The following STYXL2 variants were observed in gnomAD, a reference collection of about 807,000 sequenced individuals.
STYXL2 encodes the protein serine/threonine/tyrosine interacting like 2.
A neutral mutation model predicts 52.4 loss-of-function variants in STYXL2; 44 were observed. The observed-to-expected ratio is 0.84, with a 90% CI of 0.66 to 1.08. The LOEUF (loss-of-function observed/expected upper bound fraction) is 1.08. Ranked by LOEUF, STYXL2 falls within the 50% of genes least tolerant of loss-of-function variation. STYXL2 has a pLI of 0.00. For missense variants in STYXL2, 1,604 were observed against 1,471.7 expected, an observed-to-expected ratio of 1.09 and a Z score of -1.47; for synonymous variants, 604 against 586.9, an observed-to-expected ratio of 1.03 and a Z score of -0.42.
chr1:167,108,806 G>C lies in STYXL2; in HGVS notation c.111-4904G>C, dbSNP rs948355449. On this transcript the variant is annotated intron_variant, in intron 2 of 5. Transcript: ENST00000361200. ...ACAGACCCTTTCAAAGAAGCAGCTT[G>C]CTTCTGCAAACATCATGAGATAGCC... is the stretch of plus-strand genomic sequence containing the variant. Among the ~76,000 whole-genome samples the C allele has an allele frequency of 2.6e-5, 4 of 152,306 alleles. No individual in the cohort carries two copies. In the East Asian group the frequency reaches 7.7e-4, roughly 29 times the overall value.
At chr1:167,115,866 G>A (rs1391054342) in intron 3 of STYXL2, among the ~76,000 whole-genome samples, 5 of 152,184 alleles carry the variant, frequency 3.3e-5, no homozygotes, top group Non-Finnish European at 7.4e-5. Context: ...GGGGTTAGAG[G>A]AGGGAAGAGA....
rs1428021125 is a variant in STYXL2 at position 167,126,505 on chromosome 1, C to A, written c.1374C>A (p.Asn458Lys). The change falls in exon 6 of 6, where the codon AAC becomes AAA. Residue 458 changes from asparagine (N) to lysine (K), a missense_variant. Transcript: ENST00000361200. ...IWVLKQQLEL[N>K]RPDHGRRRRA... ...TCCTGAAGCAGCAGCTGGAGCTGAA[C>A]CGCCCGGACCACGGCAGGAGGCGCC... 4 of 1,611,308 alleles carry A rather than the reference C, an allele frequency of 2.5e-6. No individual in the cohort carries two copies. In the East Asian group the frequency reaches 6.7e-5, roughly 27 times the overall value.
In STYXL2 at chr1:167,121,394, G is replaced by A. The variant is rs190134419; in HGVS notation, c.655+1928G>A. Among the ~76,000 whole-genome samples the A allele has an allele frequency of 1.9e-3, 290 of 152,356 alleles. 2 individuals carry two copies. The highest frequency in any genetic ancestry group is 0.015 in the Admixed American group (229 of 15,312). On this transcript the variant is annotated intron_variant, in intron 5 of 5. Coordinates refer to ENST00000361200, the MANE Select transcript of STYXL2 (RefSeq NM_001080426.3). ...GTCGGTCGCCTGCGGCGTAAGGAGT[G>A]TGTCCCACCTCGCTCGCAGGTCCTG...
chr1:167,119,260 TGAA>T lies in STYXL2; in HGVS notation c.450_452del (p.Asn151del). ...GCCTCTTCCCGCAGGAGTGTGGCTG[TGAA>T]CAAGGGGAGGCTGAAGAGGCTGGGA... On this transcript the variant is annotated inframe_deletion, in exon 5 of 6. Transcript: ENST00000361200. 1 of 1,614,156 alleles carries T rather than the reference TGAA, an allele frequency of 6.2e-7. No homozygotes were observed. The highest frequency in any genetic ancestry group is 8.5e-7 in the Non-Finnish European group (1 of 1,180,028).
intron 2 of STYXL2, among the ~76,000 whole-genome samples, chr1:167,098,322 A>G (rs1322032686): frequency 6.6e-6 from 1 of 151,986 alleles, no homozygotes; most frequent in Non-Finnish European, 1.5e-5. Context: ...ACTTTTTTTA[A>G]GAAATTAGCC....
At chr1:167,099,489 A>G (rs1667358934) in intron 2 of STYXL2, among the ~76,000 whole-genome samples, 1 of 152,254 alleles carries the variant, frequency 6.6e-6, no homozygotes, top group African/African-American at 2.4e-5. Flanking sequence ...GAAATAATAC[A>G]GAACATGTTA....
At chr1:167,098,908 C>A (rs576220764) in intron 2 of STYXL2, among the ~76,000 whole-genome samples, 1 of 152,270 alleles carries the variant, frequency 6.6e-6, no homozygotes, top group East Asian at 1.9e-4. Flanking sequence ...AGTTACATAG[C>A]ACCACTTCTG....
intron 4 of STYXL2, among the ~76,000 whole-genome samples, chr1:167,118,595 C>A (rs568550321): frequency 4.6e-5 from 7 of 152,318 alleles, no homozygotes; most frequent in South Asian, 2.1e-4. Flanking sequence ...CAGCTAAAAG[C>A]TTTTGTTCCT....
chr1:167,096,732 A>C lies in STYXL2; in HGVS notation c.110+1773A>C, dbSNP rs1296413422. On this transcript the variant is annotated intron_variant, in intron 2 of 5. Coordinates refer to ENST00000361200, the MANE Select transcript of STYXL2 (RefSeq NM_001080426.3). ...ATGGGAAATAAGGCCCATGAGCCCA[A>C]GAAAAAGAGGAAATCAGTGTGTCGA... 3.3e-5 allele frequency among the ~76,000 whole-genome samples: 5 copies of C among 152,236 alleles called. No individual in the cohort carries two copies. The East Asian group carries it at 9.6e-4, about 29-fold the overall frequency.
chr1:167,126,268 G>T lies in STYXL2; in HGVS notation c.1137G>T (p.Gln379His), dbSNP rs1463292358. ...GGGWRSASSG[Q>H]GGEELEDEDV... is the part of the protein sequence containing the mutation. The stretch of plus-strand genomic sequence containing the variant: ...GCTGGCGCTCAGCCTCCTCTGGCCA[G>T]GGTGGGGAGGAGCTCGAGGACGAGG... Residue 379 changes from glutamine to histidine, a missense_variant, in exon 6 of 6, where the codon CAG becomes CAT. Gln to His is a conservative substitution (Grantham distance 24). Coordinates refer to ENST00000361200, the MANE Select transcript of STYXL2 (RefSeq NM_001080426.3). The T allele has an allele frequency of 6.5e-7, 1 of 1,543,100 alleles. No homozygotes were observed. The highest frequency in any genetic ancestry group is 1.3e-5 in the South Asian group (1 of 79,482).
Position 167,094,880 on chromosome 1 carries a change from C to CA in STYXL2, c.32dup (p.Val12GlyfsTer25). ...GACCAGAAAGGACACAGAGGAGGAG[C>CA]AGGTAGTCCCAAGCGAGGAGGACGA... On this transcript the variant is annotated frameshift_variant, in exon 2 of 6. Coordinates refer to ENST00000361200, the MANE Select transcript of STYXL2 (RefSeq NM_001080426.3). LOFTEE classifies it high-confidence loss of function. 4 of 1,613,402 alleles carry CA rather than the reference C, an allele frequency of 2.5e-6. No homozygotes were observed. The highest frequency in any genetic ancestry group is 3.4e-6 in the Non-Finnish European group (4 of 1,179,818).
rs1571349351 is a variant in STYXL2, at chr1:167,126,588, A to G, written c.1457A>G (p.Glu486Gly). The stretch of plus-strand genomic sequence containing the variant: ...GACGCATGGAACGAGAGGCTGCTGG[A>G]GATTGAGAAGGAGGCTTCCCGGAGG... Reference protein sequence around the residue: ...TWDAWNERLLEIEKEASRRYH... With the variant: ...TWDAWNERLLGIEKEASRRYH... The change falls in exon 6 of 6, where the codon GAG (glutamate) becomes GGG (glycine). Residue 486 changes from glutamate to glycine, a missense_variant. Glu to Gly is a moderately conservative substitution (Grantham distance 98, BLOSUM62 -2). Transcript: ENST00000361200. 6.2e-7 allele frequency: 1 copy of G among 1,613,982 alleles called. No individual in the cohort carries two copies. The highest frequency in any genetic ancestry group is 8.5e-7 in the Non-Finnish European group (1 of 1,180,008).
At position 167,120,896 on chromosome 1, in the gene STYXL2, AGAGAGGTATGTAT is replaced by A. The variant is rs1414202982; in HGVS notation, c.655+1432_655+1444del. Among the ~76,000 whole-genome samples, 68 of 113,366 alleles carry A rather than the reference AGAGAGGTATGTAT, an allele frequency of 6.0e-4. 4 individuals carry two copies. Among genetic ancestry groups the A allele is most frequent in the Middle Eastern group, 0.011 (2 of 190 alleles). 74.4% of individuals were successfully genotyped at this position (113,366 alleles called of 152,430 possible). A position where few individuals can be genotyped will look rare whatever the true frequency, so the allele number is the denominator to read the frequency against. ...TATATATATATATATACAGAGAGAGAGAGAGGTATGTATGTGTATATATACAGACATGTATACA... is the reference window on the plus strand; with the variant it reads ...TATATATATATATATACAGAGAGAGAGTGTATATATACAGACATGTATACA... On this transcript the variant is annotated intron_variant, in intron 5 of 5. Coordinates refer to ENST00000361200, the MANE Select transcript of STYXL2 (RefSeq NM_001080426.3).
At position 167,120,894 on chromosome 1, in the gene STYXL2, AGAGAGAGGTATGTAT is replaced by A. The variant is rs1452754895; in HGVS notation, c.655+1430_655+1444del. 5.5e-4 allele frequency among the ~76,000 whole-genome samples: 62 copies of A among 112,942 alleles called. 2 individuals carry two copies. The highest frequency in any genetic ancestry group is 1.1e-3 in the Non-Finnish European group (54 of 48,934). 74.1% of individuals were successfully genotyped at this position (112,942 alleles called of 152,430 possible). ...TATATATATATATATATACAGAGAG[AGAGAGAGGTATGTAT>A]GTGTATATATACAGACATGTATACA... On this transcript the variant is annotated intron_variant, in intron 5 of 5. Coordinates refer to ENST00000361200, the MANE Select transcript of STYXL2 (RefSeq NM_001080426.3).
intron 2 of STYXL2, among the ~76,000 whole-genome samples, chr1:167,110,777 C>A (rs1435624338): frequency 2.6e-5 from 4 of 152,168 alleles, no homozygotes; most frequent in Non-Finnish European, 5.9e-5. Flanking sequence ...CAATCCTGAC[C>A]ACAACAAAGA....
At chr1:167,118,027 A>G (rs1294298747) in intron 4 of STYXL2, among the ~76,000 whole-genome samples, 2 of 152,248 alleles carry the variant, frequency 1.3e-5, no homozygotes, top group East Asian at 3.8e-4. Context: ...CAACAGATGT[A>G]TGTGTATGTG....
chr1:167,122,617 C>CT (rs1202709984), intron 5 of STYXL2, among the ~76,000 whole-genome samples: 5 of 152,042 alleles, frequency 3.3e-5, no homozygotes, highest in Middle Eastern at 3.4e-3. Flanking sequence ...TCCAGGCTTG[C>CT]TCAAATCTGA....
chr1:167,129,165 G>A lies in STYXL2; in HGVS notation c.*557G>A, dbSNP rs1558029927. ...TATTCTGGTCATGTTTAACTTTTTG[G>A]ATATTAGAAGAAAACCACTTTAAAA... On this transcript the variant is annotated 3_prime_UTR_variant, in exon 6 of 6. Transcript: ENST00000361200. 2.6e-5 allele frequency: 4 copies of A among 152,296 alleles called. No individual in the cohort carries two copies. Among genetic ancestry groups the A allele is most frequent in the Admixed American group, 2.0e-4 (3 of 15,292 alleles). 9.4% of individuals were successfully genotyped at this position (152,296 alleles called of 1,614,324 possible). A position where few individuals can be genotyped will look rare whatever the true frequency, so the allele number is the denominator to read the frequency against.
rs777232430 is a variant in STYXL2 at position 167,128,075 on chromosome 1, A to G, written c.2944A>G (p.Lys982Glu). ...TAAATCCTCCAGTTACAAGTTTTCCAAATCCCAGTCAGAGGAACAGGACAC... is the reference window on the plus strand; with the variant it reads ...TAAATCCTCCAGTTACAAGTTTTCCGAATCCCAGTCAGAGGAACAGGACAC... ...ESKSSSYKFS[K>E]SQSEEQDTSS... is the part of the protein sequence containing the mutation. The change falls in exon 6 of 6, where the codon AAA (lysine) becomes GAA (glutamate). Residue 982 changes from lysine (K) to glutamate (E), a missense_variant. Physicochemically the swap from Lys to Glu is moderately conservative, Grantham distance 56 (BLOSUM62 1). Coordinates refer to ENST00000361200, the MANE Select transcript of STYXL2 (RefSeq NM_001080426.3). 6.2e-7 allele frequency: 1 copy of G among 1,614,222 alleles called. No homozygotes were observed. Among genetic ancestry groups the G allele is most frequent in the Non-Finnish European group, 8.5e-7 (1 of 1,180,034 alleles).
Sources: allele counts gnomAD v4.1 joint callset (sites outside exome capture counted in the v4.1 genomes callset), GRCh38; gene constraint gnomAD v4.1.1; transcripts MANE v1.5; gene names NCBI Gene and HGNC (gene_info 2026-07-23, HGNC 2026-07-21).